The following PPP2R3B variants were observed in gnomAD, a reference collection of about 807,000 sequenced individuals.
PPP2R3B encodes protein phosphatase 2 regulatory subunit B''beta, also known as serine/threonine-protein phosphatase 2A regulatory subunit B'' subunit beta.
A neutral mutation model predicts 72.9 loss-of-function variants in PPP2R3B; 68 were observed. The ratio of observed to expected loss-of-function variants is 0.93; its 90% CI spans 0.77 to 1.14. The LOEUF (loss-of-function observed/expected upper bound fraction) is 1.14, where lower values mean the gene tolerates loss of function less well. PPP2R3B is among the 50% of genes most tolerant of loss of function. The probability of loss-of-function intolerance (pLI) is 0.00; values close to 1 mark genes in which losing one functional copy is unlikely to be tolerated. For missense variants in PPP2R3B, 1,018 were observed against 842.0 expected, an observed-to-expected ratio of 1.21 and a Z score of -2.59; for synonymous variants, 466 against 375.8, an observed-to-expected ratio of 1.24 and a Z score of -2.78.
At chrX:348,857 T>C (rs923021598) in intron 2 of PPP2R3B, among the ~76,000 whole-genome samples, 19 of 151,542 alleles carry the variant, frequency 1.3e-4, no homozygotes, top group Non-Finnish European at 1.8e-4. Context: ...AAATCACACA[T>C]GCGTTCCCCT....
chrX:364,589 G>GTGCCTGTACA (rs1282388746), intron 1 of PPP2R3B, among the ~76,000 whole-genome samples: 1 of 94,138 alleles, frequency 1.1e-5, no homozygotes, highest in Non-Finnish European at 2.4e-5. Context: ...GTGGTGGAGG[G>GTGCCTGTACA]TGCCTGTACT....
chrX:338,892 C>T lies in PPP2R3B; in HGVS notation c.1356G>A (p.Lys452=), dbSNP rs140196583. Reference sequence around the variant, plus strand: ...AGCGCTTCAGGTCCTGCAGCGTGATCTTCCCTGCGGGGAGGGGAGTGCGTC... The same window carrying T: ...AGCGCTTCAGGTCCTGCAGCGTGATTTTCCCTGCGGGGAGGGGAGTGCGTC... The part of the protein sequence containing the change: ...LDLVKPRTEG[K]ITLQDLKRCK... The change falls in exon 11 of 13, where the codon AAG becomes AAA. Residue 452 remains lysine, a synonymous_variant. Coordinates refer to ENST00000390665, the MANE Select transcript of PPP2R3B (RefSeq NM_013239.5). 54 of 1,612,070 alleles carry T rather than the reference C, an allele frequency of 3.3e-5. No homozygotes were observed. In the African/African-American group the frequency reaches 5.5e-4, roughly 16 times the overall value.
intron 12 of PPP2R3B, chrX:334,843 C>T (rs1004596032): frequency 7.2e-5 from 22 of 305,160 alleles, no homozygotes; most frequent in Middle Eastern, 9.1e-4. Context: ...ACAACTGGGT[C>T]GTGGTGTCCA....
Position 376,317 on chromosome X carries a change from C to T in PPP2R3B, c.324+10051G>A, listed in dbSNP as rs1203412566. Among the ~76,000 whole-genome samples, 5 of 151,792 alleles carry T rather than the reference C, an allele frequency of 3.3e-5. No homozygotes were observed. The East Asian group carries it at 7.7e-4, about 23-fold the overall frequency. Reference sequence around the variant, plus strand: ...CCACCTCTGGATGCAGTCCCACTGCCCCCCTGGAGCCCTTGCGTCCTGTCC... The same window carrying T: ...CCACCTCTGGATGCAGTCCCACTGCTCCCCTGGAGCCCTTGCGTCCTGTCC... On this transcript the variant is annotated intron_variant, in intron 1 of 12. Coordinates refer to ENST00000390665, the MANE Select transcript of PPP2R3B (RefSeq NM_013239.5).
rs1249900774 is a variant in PPP2R3B at position 386,502 on chromosome X, C to T, written c.190G>A (p.Ala64Thr). 2.3e-6 allele frequency: 3 copies of T among 1,296,172 alleles called. No individual in the cohort carries two copies. The highest frequency in any genetic ancestry group is 2.9e-6 in the Non-Finnish European group (3 of 1,022,242). The allele number at this position is 1,296,172 out of a possible 1,614,324, so 80.3% of individuals were successfully genotyped here. A position where few individuals can be genotyped will look rare whatever the true frequency, so the allele number is the denominator to read the frequency against. Residue 64 changes from alanine to threonine, a missense_variant, in exon 1 of 13, where the codon GCC becomes ACC. Physicochemically the swap from Ala to Thr is moderately conservative, Grantham distance 58. Coordinates refer to ENST00000390665, the MANE Select transcript of PPP2R3B (RefSeq NM_013239.5). ...QPGAWPTAPL[A>T]APRPSGLEPP... is the part of the protein sequence containing the mutation. ...TCGAGCCCGCTGGGCCGGGGGGCGG[C>T]GAGCGGGGCTGTGGGCCAGGCCCCG...
rs769963744 is a variant in PPP2R3B, at chrX:345,711, G to A, written c.880-39C>T. ...CAGGCGGCCTGAGCGCGGGGCCTCT[G>A]CGGGGATGCCCCAAGTCCGCCTGGC... On this transcript the variant is annotated intron_variant, in intron 6 of 12. Coordinates refer to ENST00000390665, the MANE Select transcript of PPP2R3B (RefSeq NM_013239.5). The A allele has an allele frequency of 2.3e-5, 37 of 1,603,400 alleles. No homozygotes were observed. In the East Asian group the frequency reaches 8.1e-4, roughly 35 times the overall value.
Position 361,497 on chromosome X carries a change from T to C in PPP2R3B, c.418A>G (p.Asn140Asp). ...ATCTTGCTGATGACGGCATCCACGT[T>C]GACGGAGTCCTGCGGGCGTCCTCTG... ...FPRGRPQDSVNVDAVISKIES... is the reference protein window; with the variant it reads ...FPRGRPQDSVDVDAVISKIES... The change falls in exon 2 of 13, where the codon AAC (asparagine) becomes GAC (aspartate). Residue 140 changes from asparagine (N) to aspartate (D), a missense_variant. By Grantham distance (23) the Asn-to-Asp change is conservative. Coordinates refer to ENST00000390665, the MANE Select transcript of PPP2R3B (RefSeq NM_013239.5). 1 of 1,613,980 alleles carries C rather than the reference T, an allele frequency of 6.2e-7. No individual in the cohort carries two copies. The highest frequency in any genetic ancestry group is 8.5e-7 in the Non-Finnish European group (1 of 1,179,862).
chrX:364,634 C>G (rs1369989114), intron 1 of PPP2R3B, among the ~76,000 whole-genome samples: 1 of 144,516 alleles, frequency 6.9e-6, no homozygotes, highest in Non-Finnish European at 1.5e-5. Flanking sequence ...AGGAGAATCG[C>G]TTCAACACAG....
intron 6 of PPP2R3B, 78 bp from the exon 7 acceptor site, chrX:345,750 G>C: frequency 6.4e-7 from 1 of 1,555,194 alleles, no homozygotes; most frequent in Non-Finnish European, 8.7e-7. Context: ...GGGCGGGGCA[G>C]GGAAGGCTGG....
At chrX:341,798 A>C in intron 8 of PPP2R3B, 85 bp downstream of exon 8, 3 of 1,454,048 alleles carry the variant, frequency 2.1e-6, no homozygotes, top group Non-Finnish European at 1.9e-6. Flanking sequence ...GGGGCACAAA[A>C]AGCTCACGTC....
At chrX:350,308 C>T (rs1225691064) in intron 2 of PPP2R3B, among the ~76,000 whole-genome samples, 11 of 152,168 alleles carry the variant, frequency 7.2e-5, no homozygotes, top group East Asian at 1.9e-4. Flanking sequence ...AAACGAGGGA[C>T]GCTGCACGGC....
Position 361,590 on chromosome X carries a change from C to T in PPP2R3B, c.325G>A (p.Val109Ile), listed in dbSNP as rs754463945. 6.2e-7 allele frequency: 1 copy of T among 1,613,672 alleles called. No homozygotes were observed. The highest frequency in any genetic ancestry group is 8.5e-7 in the Non-Finnish European group (1 of 1,179,588). ...GTRRSAGTRV[V>I]QTRKEEPLPP... ...AGAGGCTCTTCTTTCCGTGTCTGAA[C>T]CTGAAGAGTCGACAGACAGCGCTCA... The change falls in exon 2 of 13, where the codon GTT becomes ATT. Residue 109 changes from valine (V) to isoleucine (I), a missense_variant and splice_region_variant. Val to Ile is a conservative substitution (Grantham distance 29). Transcript: ENST00000390665.
chrX:385,480 C>T (rs951484737), intron 1 of PPP2R3B, among the ~76,000 whole-genome samples: 20 of 151,704 alleles, frequency 1.3e-4, no homozygotes, highest in East Asian at 1.9e-4. Context: ...TTCTCACCTG[C>T]GGTGTATAAT....
intron 2 of PPP2R3B, among the ~76,000 whole-genome samples, chrX:353,539 G>GA (rs1203858367): frequency 2.0e-5 from 3 of 152,198 alleles, no homozygotes; most frequent in Non-Finnish European, 4.4e-5. Flanking sequence ...AATGGCTCCA[G>GA]AAAAGTGAAT....
intron 1 of PPP2R3B, among the ~76,000 whole-genome samples, chrX:383,590 A>C (rs2072171649): frequency 1.3e-5 from 2 of 151,834 alleles, no homozygotes; most frequent in Admixed American, 6.6e-5. Flanking sequence ...GTAATCCCAA[A>C]ACTTTGGGAG....
intron 1 of PPP2R3B, among the ~76,000 whole-genome samples, chrX:363,605 A>G (rs868536160): frequency 0.2 from 940 of 4,788 alleles, 24 homozygotes; most frequent in South Asian, 0.23. Flanking sequence ...CCGTGCCCGC[A>G]ATCCCACAAT....
intron 12 of PPP2R3B, 62 bp downstream of exon 12, chrX:338,542 C>T (rs2070954726): frequency 8.0e-7 from 1 of 1,254,346 alleles, no homozygotes; most frequent in Admixed American, 2.2e-5. Flanking sequence ...ACTCACCCGT[C>T]CTCCCCACTC....
chrX:342,472 G>C (rs1212397808), intron 7 of PPP2R3B, among the ~76,000 whole-genome samples: 331 of 92,360 alleles, frequency 3.6e-3, no homozygotes, highest in Non-Finnish European at 4.3e-3. Context: ...GGAGACCTCA[G>C]CAACGGGAGG....
chrX:355,106 T>A (rs1252804110), intron 2 of PPP2R3B, among the ~76,000 whole-genome samples: 1 of 145,932 alleles, frequency 6.9e-6, no homozygotes, highest in East Asian at 2.1e-4. Flanking sequence ...TGACCGTGCG[T>A]TAGAGACTCT....
Sources: gnomAD v4.1 joint callset for allele counts (sites outside exome capture counted in the v4.1 genomes callset) on GRCh38, gnomAD v4.1.1 for gene constraint, MANE v1.5 for transcripts, NCBI Gene and HGNC (gene_info 2026-07-23, HGNC 2026-07-21) for gene names.